The following HSPA4 variants were observed in gnomAD, a reference collection of about 807,000 sequenced individuals.
The protein encoded by HSPA4 is heat shock protein family A (Hsp70) member 4.
HSPA4 carries 25 observed loss-of-function variants against 106.2 expected under a neutral mutation model. The ratio of observed to expected loss-of-function variants is 0.24; its 90% CI spans 0.17 to 0.33. HSPA4 has a LOEUF of 0.33. Among genes scored for constraint, HSPA4 ranks in the 10% least tolerant of loss-of-function variants. HSPA4 has a pLI of 1.00. For synonymous variants in HSPA4, 332 were observed against 333.6 expected (o/e 1.00, Z 0.05); for missense variants, 841 against 996.0 (o/e 0.84, Z 2.10).
At chr5:133,068,197 C>G (rs896535141) in intron 3 of HSPA4, among the ~76,000 whole-genome samples, 3 of 152,044 alleles carry the variant, frequency 2.0e-5, no homozygotes, top group Non-Finnish European at 2.9e-5. Flanking sequence ...TGGTAGGAAT[C>G]ACAGTTTTAA....
At chr5:133,079,413 G>A (rs993783810) in intron 7 of HSPA4, among the ~76,000 whole-genome samples, 2 of 152,016 alleles carry the variant, frequency 1.3e-5, no homozygotes, top group South Asian at 2.1e-4. Flanking sequence ...GGCTTCTTTC[G>A]TTCTGACTTC....
In HSPA4 at chr5:133,077,884, T is replaced by G. The variant is rs117087867; in HGVS notation, c.908+986T>G. Among the ~76,000 whole-genome samples, 78 of 152,266 alleles carry G rather than the reference T, an allele frequency of 5.1e-4. 1 individual carries two copies. The East Asian group carries it at 0.013, about 26-fold the overall frequency. ...CTTTCGTTTTTGTTAAGCAGCAGTC[T>G]TGTGTGTGTGTATGTGTGTTCCATG... is the stretch of plus-strand genomic sequence containing the variant. On this transcript the variant is annotated intron_variant, in intron 7 of 18. Coordinates refer to ENST00000304858, the MANE Select transcript of HSPA4 (RefSeq NM_002154.4).
intron 16 of HSPA4, among the ~76,000 whole-genome samples, chr5:133,100,767 T>C (rs1022349344): frequency 3.3e-5 from 5 of 152,172 alleles, no homozygotes; most frequent in African/African-American, 1.2e-4. Flanking sequence ...AGAATGAACT[T>C]TTTACATTTC....
intron 13 of HSPA4, among the ~76,000 whole-genome samples, chr5:133,095,606 A>G (rs950925149): frequency 1.3e-5 from 2 of 152,176 alleles, no homozygotes; most frequent in African/African-American, 4.8e-5. Flanking sequence ...TAGATATTTC[A>G]TACCCTCCTC....
At position 133,070,474 on chromosome 5, in the gene HSPA4, C is replaced by A; in HGVS notation, c.407C>A (p.Pro136His). The A allele has an allele frequency of 6.2e-7, 1 of 1,613,776 alleles. No individual in the cohort carries two copies. The highest frequency in any genetic ancestry group is 8.5e-7 in the Non-Finnish European group (1 of 1,179,838). Reference protein sequence around the residue: ...KETAESVLKKPVVDCVVSVPC... With the variant: ...KETAESVLKKHVVDCVVSVPC... ...ACAGCCGAAAGTGTTCTTAAGAAGC[C>A]TGTAGTTGACTGTGTTGTTTCGGTG... Residue 136 changes from proline (P) to histidine (H), a missense_variant, in exon 4 of 19, where the codon CCT becomes CAT. Physicochemically the swap from Pro to His is moderately conservative, Grantham distance 77 (BLOSUM62 -2). Transcript: ENST00000304858.
At chr5:133,057,692 TAAAG>T (rs1427868390) in intron 1 of HSPA4, among the ~76,000 whole-genome samples, 1 of 152,202 alleles carries the variant, frequency 6.6e-6, no homozygotes, top group African/African-American at 2.4e-5. Context: ...TTCTAGGACT[TAAAG>T]ATTAGAACAG....
Position 133,086,900 on chromosome 5 carries a change from TG to T in HSPA4, c.985+43del. ...TTGAATTTGTTTGCGTATCTCAGAC[TG>T]TTTGGAAATTGTTATTTATTATCTT... On this transcript the variant is annotated intron_variant, in intron 8 of 18. Coordinates refer to ENST00000304858, the MANE Select transcript of HSPA4 (RefSeq NM_002154.4). 2.2e-6 allele frequency: 3 copies of T among 1,378,034 alleles called. No individual in the cohort carries two copies. In the South Asian group the frequency reaches 3.6e-5, roughly 16 times the overall value. 85.4% of individuals were successfully genotyped at this position (1,378,034 alleles called of 1,614,324 possible). A position where few individuals can be genotyped will look rare whatever the true frequency, so the allele number is the denominator to read the frequency against.
intron 1 of HSPA4, among the ~76,000 whole-genome samples, chr5:133,059,393 A>C (rs1400193350): frequency 6.6e-6 from 1 of 151,430 alleles, no homozygotes; most frequent in Non-Finnish European, 1.5e-5. Context: ...GGTTGCAGTG[A>C]GCCGAGATTA....
chr5:133,061,544 T>C (rs1373512416), intron 1 of HSPA4, among the ~76,000 whole-genome samples: 2 of 152,194 alleles, frequency 1.3e-5, no homozygotes, highest in Non-Finnish European at 2.9e-5. Context: ...GTGTTAGTAT[T>C]GATAATGTAA....
intron 16 of HSPA4, among the ~76,000 whole-genome samples, chr5:133,100,694 A>G (rs1219694476): frequency 2.0e-5 from 3 of 152,212 alleles, no homozygotes; most frequent in Non-Finnish European, 4.4e-5. Flanking sequence ...TAACATTAGG[A>G]TTAAACATGA....
At chr5:133,058,610 G>A (rs1765197377) in intron 1 of HSPA4, among the ~76,000 whole-genome samples, 1 of 151,662 alleles carries the variant, frequency 6.6e-6, no homozygotes, top group Non-Finnish European at 1.5e-5. Flanking sequence ...TTCGGGAGGT[G>A]GAGGTTGCAG....
At chr5:133,074,466 C>T (rs1164477446) in intron 6 of HSPA4, among the ~76,000 whole-genome samples, 3 of 151,944 alleles carry the variant, frequency 2.0e-5, no homozygotes, top group African/African-American at 4.8e-5. Context: ...TTAGTAGAGA[C>T]GGGGTTTATC....
chr5:133,067,458 A>G lies in HSPA4; in HGVS notation c.207A>G (p.Arg69=). 6.2e-7 allele frequency: 1 copy of G among 1,613,874 alleles called. No homozygotes were observed. Among genetic ancestry groups the G allele is most frequent in the Non-Finnish European group, 8.5e-7 (1 of 1,179,728 alleles). Reference sequence around the variant, plus strand: ...AGAACACAGTCCAAGGATTTAAAAGATTCCATGGCCGAGCATTCTCTGATC... The same window carrying G: ...AGAACACAGTCCAAGGATTTAAAAGGTTCCATGGCCGAGCATTCTCTGATC... ...NAKNTVQGFK[R]FHGRAFSDPF... is the part of the protein sequence containing the mutation. Residue 69 remains arginine (R), a synonymous_variant, in exon 3 of 19, where the codon AGA becomes AGG. Transcript: ENST00000304858.
chr5:133,052,062 C>T lies in HSPA4; in HGVS notation c.-189C>T, dbSNP rs971835924. The T allele has an allele frequency of 7.4e-6, 4 of 537,426 alleles. No homozygotes were observed. Among genetic ancestry groups the T allele is most frequent in the East Asian group, 3.4e-5 (1 of 29,728 alleles). The allele number at this position is 537,426 out of a possible 1,614,324, so 33.3% of individuals were successfully genotyped here. On this transcript the variant is annotated 5_prime_UTR_variant, in exon 1 of 19. Coordinates refer to ENST00000304858, the MANE Select transcript of HSPA4 (RefSeq NM_002154.4). ...GGCGCCTCCTCTGCGGCCACTGAGCCGGAGCCGGCCTGAGCAGCGCTCTCG... is the reference window on the plus strand; with the variant it reads ...GGCGCCTCCTCTGCGGCCACTGAGCTGGAGCCGGCCTGAGCAGCGCTCTCG...
At chr5:133,061,278 A>G (rs4705989) in intron 1 of HSPA4, among the ~76,000 whole-genome samples, 42,711 of 151,490 alleles carry the variant, frequency 0.28, 6,486 homozygotes, top group African/African-American at 0.38. Context: ...GCCCGCCACC[A>G]TGCCTGGCTA....
At chr5:133,097,486 G>A (rs189940087) in intron 15 of HSPA4, among the ~76,000 whole-genome samples, 200 bp downstream of exon 15, 81 of 150,468 alleles carry the variant, frequency 5.4e-4, no homozygotes, top group African/African-American at 1.9e-3. Flanking sequence ...TGTGCATCAC[G>A]TTCACAAATC....
intron 7 of HSPA4, 75 bp from the exon 8 acceptor site, chr5:133,086,707 A>G: frequency 1.0e-6 from 1 of 996,586 alleles, no homozygotes; most frequent in East Asian, 2.4e-5. Context: ...GTTTTTTATT[A>G]TAGCCATCCA....
rs56373873 is a variant in HSPA4 at position 133,106,141 on chromosome 5, G to GGTGTGTGTGTGT, written c.*1715_*1726dup. 3.7e-5 allele frequency: 2 copies of GGTGTGTGTGTGT among 53,584 alleles called. No homozygotes were observed. Among genetic ancestry groups the GGTGTGTGTGTGT allele is most frequent in the Non-Finnish European group, 6.9e-5 (2 of 29,032 alleles). 3.3% of individuals were successfully genotyped at this position (53,584 alleles called of 1,614,324 possible). ...TTTTTTTTTTTTTTTTTTTTTTTTT[G>GGTGTGTGTGTGT]GTGTGTGTGTGTGTGTGTGTGGGGA... On this transcript the variant is annotated 3_prime_UTR_variant, in exon 19 of 19. Coordinates refer to ENST00000304858, the MANE Select transcript of HSPA4 (RefSeq NM_002154.4).
In HSPA4 at chr5:133,096,551, A is replaced by G. The variant is rs145699269; in HGVS notation, c.1803+301A>G. Among the ~76,000 whole-genome samples the G allele has an allele frequency of 5.6e-4, 85 of 152,274 alleles. 1 individual carries two copies. Among genetic ancestry groups the G allele is most frequent in the Middle Eastern group, 3.4e-3 (1 of 294 alleles). ...TTTGAATACGTGGGTATATTTGTTCACTAGAGATTGGGATATTTGAGGTTG... is the reference window on the plus strand; with the variant it reads ...TTTGAATACGTGGGTATATTTGTTCGCTAGAGATTGGGATATTTGAGGTTG... On this transcript the variant is annotated intron_variant, in intron 14 of 18. Coordinates refer to ENST00000304858, the MANE Select transcript of HSPA4 (RefSeq NM_002154.4).
Sources: allele counts gnomAD v4.1 joint callset (sites outside exome capture counted in the v4.1 genomes callset), GRCh38; gene constraint gnomAD v4.1.1; transcripts MANE v1.5; gene names NCBI Gene and HGNC (gene_info 2026-07-23, HGNC 2026-07-21).